CEP112: variants seen among roughly 807,000 people sequenced by gnomAD.
CEP112 encodes centrosomal protein 112.
In CEP112, 127 loss-of-function variants were observed where a neutral mutation model predicts 153.0. That is an observed-to-expected ratio of 0.83 (90% CI 0.72 to 0.96). The LOEUF (loss-of-function observed/expected upper bound fraction) is 0.96, where lower values mean the gene tolerates loss of function less well. Among genes scored for constraint, CEP112 ranks in the 40% least tolerant of loss-of-function variants. CEP112 has a pLI of 0.00. For missense variants in CEP112, 1,089 were observed against 1,101.2 expected, an observed-to-expected ratio of 0.99 and a Z score of 0.16; for synonymous variants, 358 against 374.4, an observed-to-expected ratio of 0.96 and a Z score of 0.51.
chr17:65,801,246 A>G (rs528808179), intron 21 of CEP112, among the ~76,000 whole-genome samples: 1 of 152,168 alleles, frequency 6.6e-6, no homozygotes, highest in South Asian at 2.1e-4. Flanking sequence ...TTTTGTAGAG[A>G]CGGGGTTTCA....
chr17:65,915,200 A>T lies in CEP112; in HGVS notation c.1980+12382T>A, dbSNP rs141733471. On this transcript the variant is annotated intron_variant, in intron 19 of 26. Coordinates refer to ENST00000535342, the MANE Select transcript of CEP112 (RefSeq NM_001199165.4). ...AAGTTCCTTTCTCTTCTCTCTACTCATGTATCAGTGTCTGTCACCACCATC... is the reference window on the plus strand; with the variant it reads ...AAGTTCCTTTCTCTTCTCTCTACTCTTGTATCAGTGTCTGTCACCACCATC... Among the ~76,000 whole-genome samples, 286 of 152,010 alleles carry T rather than the reference A, an allele frequency of 1.9e-3. 1 individual carries two copies. Among genetic ancestry groups the T allele is most frequent in the African/African-American group, 6.6e-3 (274 of 41,454 alleles).
At chr17:66,107,545 T>C (rs561691281) in intron 6 of CEP112, among the ~76,000 whole-genome samples, 9 of 152,088 alleles carry the variant, frequency 5.9e-5, no homozygotes, top group Admixed American at 2.0e-4. Flanking sequence ...CCATTTACAA[T>C]AGATACAAAT....
chr17:66,057,696 T>G (rs894549531), intron 11 of CEP112, among the ~76,000 whole-genome samples: 1 of 151,702 alleles, frequency 6.6e-6, no homozygotes, highest in African/African-American at 2.4e-5. Context: ...GCTTATTAAT[T>G]TTGGTGCCTG....
At chr17:65,852,814 T>G (rs914989516) in intron 20 of CEP112, among the ~76,000 whole-genome samples, 2 of 151,968 alleles carry the variant, frequency 1.3e-5, no homozygotes, top group Non-Finnish European at 2.9e-5. Flanking sequence ...TATTTTGTAT[T>G]CTTTCTTCTA....
In CEP112 at chr17:66,019,699, T is replaced by C. The variant is rs564764994; in HGVS notation, c.1656+7802A>G. On this transcript the variant is annotated intron_variant, in intron 16 of 26. Transcript: ENST00000535342. The stretch of plus-strand genomic sequence containing the variant: ...TAATATACATTAACAAGTAACGTTA[T>C]TAAAAAGCTAGGCCAATTGATACCG... Among the ~76,000 whole-genome samples the C allele has an allele frequency of 2.0e-5, 3 of 152,334 alleles. No individual in the cohort carries two copies. In the South Asian group the frequency reaches 6.2e-4, roughly 32 times the overall value.
At chr17:65,954,565 G>A (rs148415756) in intron 18 of CEP112, among the ~76,000 whole-genome samples, 5 of 152,042 alleles carry the variant, frequency 3.3e-5, no homozygotes, top group African/African-American at 1.2e-4. Flanking sequence ...AGCGAATCAA[G>A]GAGGCATCAG....
At chr17:65,889,079 C>A (rs537971671) in intron 20 of CEP112, among the ~76,000 whole-genome samples, 1 of 152,140 alleles carries the variant, frequency 6.6e-6, no homozygotes, top group African/African-American at 2.4e-5. Context: ...CCTTACTGGT[C>A]TCAGGAGCAA....
intron 21 of CEP112, among the ~76,000 whole-genome samples, chr17:65,769,777 T>C (rs1284363720): frequency 6.6e-6 from 1 of 151,994 alleles, no homozygotes; most frequent in Non-Finnish European, 1.5e-5. Flanking sequence ...CTCTCCAAAT[T>C]TGGGAGCAGC....
chr17:65,752,718 A>T (rs1447460198), intron 21 of CEP112, among the ~76,000 whole-genome samples: 11 of 152,182 alleles, frequency 7.2e-5, no homozygotes, highest in African/African-American at 2.7e-4. Context: ...CACAGGAAAG[A>T]TCTTGCTGCT....
At chr17:65,977,033 C>T (rs57573101) in intron 17 of CEP112, among the ~76,000 whole-genome samples, 3,508 of 152,056 alleles carry the variant, frequency 0.023, 139 homozygotes, top group African/African-American at 0.08. Context: ...CCACCAGGCC[C>T]GGCCACTTTT....
At position 66,067,431 on chromosome 17, in the gene CEP112, T is replaced by C. The variant is rs139843895; in HGVS notation, c.856-554A>G. On this transcript the variant is annotated intron_variant, in intron 9 of 26. Coordinates refer to ENST00000535342, the MANE Select transcript of CEP112 (RefSeq NM_001199165.4). ...TAGCTGAAATTGTATGTGTCTAATA[T>C]TTCTCTTCACATATTTTTCTTATAC... Among the ~76,000 whole-genome samples, 12 of 152,354 alleles carry C rather than the reference T, an allele frequency of 7.9e-5. No individual in the cohort carries two copies. In the East Asian group the frequency reaches 2.1e-3, roughly 27 times the overall value.
chr17:66,184,007 G>A (rs2072825852), intron 1 of CEP112, among the ~76,000 whole-genome samples: 2 of 152,106 alleles, frequency 1.3e-5, no homozygotes, highest in South Asian at 4.1e-4. Flanking sequence ...CCAGAACTTT[G>A]GGAGTCCCAG....
intron 21 of CEP112, among the ~76,000 whole-genome samples, chr17:65,841,290 T>G (rs891490783): frequency 6.6e-6 from 1 of 152,052 alleles, no homozygotes; most frequent in African/African-American, 2.4e-5. Context: ...AAATGTGCGA[T>G]ATATACACAA....
chr17:65,992,272 A>C (rs542465895), intron 17 of CEP112, among the ~76,000 whole-genome samples: 1 of 152,314 alleles, frequency 6.6e-6, no homozygotes, highest in Non-Finnish European at 1.5e-5. Context: ...TAAATGAAGA[A>C]GATTTAAAAG....
intron 24 of CEP112, among the ~76,000 whole-genome samples, chr17:65,687,996 G>C (rs1268513741): frequency 6.6e-6 from 1 of 152,106 alleles, no homozygotes; most frequent in Non-Finnish European, 1.5e-5. Context: ...TTTATAAAGG[G>C]TTTCATCAAG....
intron 23 of CEP112, among the ~76,000 whole-genome samples, chr17:65,724,639 C>T (rs79777288): frequency 0.015 from 2,341 of 152,222 alleles, 32 homozygotes; most frequent in Middle Eastern, 0.037. Flanking sequence ...GTACAACATA[C>T]GCATACATTC....
At position 66,063,058 on chromosome 17, in the gene CEP112, G is replaced by T; in HGVS notation, c.979C>A (p.Gln327Lys). 6.3e-7 allele frequency: 1 copy of T among 1,585,698 alleles called. No individual in the cohort carries two copies. The change falls in exon 11 of 27, where the codon CAA becomes AAA. Residue 327 changes from glutamine to lysine, a missense_variant. By Grantham distance (53) the Gln-to-Lys change is moderately conservative (BLOSUM62 1). Coordinates refer to ENST00000535342, the MANE Select transcript of CEP112 (RefSeq NM_001199165.4). Reference protein sequence around the residue: ...KKVQTLIRDCQVIRETKEDQI... With the variant: ...KKVQTLIRDCKVIRETKEDQI... ...TCTTCTTTAGTCTCTCTGATAACTT[G>T]ACAGTCACGTATCAGTGTCTGAACT...
intron 4 of CEP112, among the ~76,000 whole-genome samples, chr17:66,161,166 T>C (rs2146759953): frequency 6.6e-6 from 1 of 152,250 alleles, no homozygotes; most frequent in Admixed American, 6.5e-5. Context: ...TGGCAATCAC[T>C]AAAAAGTCAA....
intron 18 of CEP112, among the ~76,000 whole-genome samples, chr17:65,933,353 T>C (rs1437495296): frequency 6.6e-6 from 1 of 152,188 alleles, no homozygotes; most frequent in Admixed American, 6.5e-5. Context: ...ACAATCGAAT[T>C]CAACCCAAAG....
Sources: gnomAD v4.1 joint callset for allele counts (sites outside exome capture counted in the v4.1 genomes callset) on GRCh38, gnomAD v4.1.1 for gene constraint, MANE v1.5 for transcripts, NCBI Gene and HGNC (gene_info 2026-07-23, HGNC 2026-07-21) for gene names.